Variants in FGF1 observed in about 807,000 individuals in gnomAD.
The protein encoded by FGF1 is beta-endothelial cell growth factor.
A neutral mutation model predicts 13.4 loss-of-function variants in FGF1; 9 were observed. That is an observed-to-expected ratio of 0.67 (90% CI 0.40 to 1.17). FGF1 has a LOEUF of 1.17. Ranked by LOEUF, FGF1 falls within the 50% of genes most tolerant of loss-of-function variation. The pLI, the probability that FGF1 is intolerant of heterozygous loss-of-function variation, is 0.01. For synonymous variants in FGF1, 93 were observed against 79.0 expected (o/e 1.18, Z -0.94); for missense variants, 156 against 192.7 (o/e 0.81, Z 1.13).
intron 2 of FGF1, among the ~76,000 whole-genome samples, chr5:142,604,077 G>A (rs1757137617): frequency 6.6e-6 from 1 of 152,196 alleles, no homozygotes; most frequent in South Asian, 2.1e-4. Flanking sequence ...CATAAAGACA[G>A]CAAGTAGATT....
intron 2 of FGF1, among the ~76,000 whole-genome samples, chr5:142,613,643 G>T (rs1759559088): frequency 6.6e-6 from 1 of 152,174 alleles, no homozygotes; most frequent in African/African-American, 2.4e-5. Context: ...TAGCCTTCGG[G>T]GCCAGATCTT....
chr5:142,607,082 C>T (rs1757841350), intron 2 of FGF1, among the ~76,000 whole-genome samples: 1 of 152,166 alleles, frequency 6.6e-6, no homozygotes, highest in East Asian at 1.9e-4. Flanking sequence ...CTGGCCAAGA[C>T]TCCCACTTTT....
chr5:142,682,204 G>C (rs892497658), intron 1 of FGF1, among the ~76,000 whole-genome samples: 1 of 151,820 alleles, frequency 6.6e-6, no homozygotes, highest in Non-Finnish European at 1.5e-5. Context: ...TCCTGCCTCA[G>C]CCTCCCAAGT....
At chr5:142,633,071 C>T (rs1279158905) in intron 1 of FGF1, among the ~76,000 whole-genome samples, 1 of 152,134 alleles carries the variant, frequency 6.6e-6, no homozygotes, top group Admixed American at 6.5e-5. Context: ...AGGCGCCCGC[C>T]ACCACACCCG....
chr5:142,670,682 C>T (rs1366021867), intron 1 of FGF1, among the ~76,000 whole-genome samples: 10 of 152,198 alleles, frequency 6.6e-5, no homozygotes, highest in African/African-American at 2.2e-4. Flanking sequence ...CCCACAAAAA[C>T]CTGACAGCAG....
intron 2 of FGF1, among the ~76,000 whole-genome samples, chr5:142,608,421 G>A (rs998015237): frequency 2.6e-5 from 4 of 151,496 alleles, no homozygotes; most frequent in South Asian, 4.2e-4. Context: ...GCCACAAGCC[G>A]GGATTGGTAA....
intron 3 of FGF1, among the ~76,000 whole-genome samples, chr5:142,600,302 C>T (rs1756224970): frequency 6.6e-6 from 1 of 152,130 alleles, no homozygotes; most frequent in South Asian, 2.1e-4. Context: ...TTCGAGGCTT[C>T]AGTGAGTCAT....
chr5:142,653,300 C>T (rs1207500312), intron 1 of FGF1, among the ~76,000 whole-genome samples: 54 of 152,268 alleles, frequency 3.5e-4, no homozygotes, highest in Non-Finnish European at 4.9e-4. Context: ...CCGGTAGTTG[C>T]GGCACCCTCC....
chr5:142,610,509 T>C (rs10046003), intron 2 of FGF1, among the ~76,000 whole-genome samples: 12,321 of 152,148 alleles, frequency 0.081, 847 homozygotes, highest in East Asian at 0.18. Flanking sequence ...GGACCTGATC[T>C]TCTTCCAGGA....
intron 1 of FGF1, among the ~76,000 whole-genome samples, chr5:142,674,585 A>G (rs989849669): frequency 3.9e-5 from 6 of 152,174 alleles, no homozygotes; most frequent in Non-Finnish European, 7.3e-5. Context: ...GAGCCAGCCA[A>G]CGCAGGTCCA....
chr5:142,659,523 T>C lies in FGF1; in HGVS notation c.-35+26434A>G, dbSNP rs544977086. 1.5e-3 allele frequency among the ~76,000 whole-genome samples: 225 copies of C among 152,242 alleles called. 2 individuals carry two copies. The highest frequency in any genetic ancestry group is 5.3e-3 in the African/African-American group (219 of 41,546). ...GGTGTGAGCCACTGCGCCCAGCCCT[T>C]GCATCAGTTTTAAGGGGGAACTTTG... is the stretch of plus-strand genomic sequence containing the variant. On this transcript the variant is annotated intron_variant, in intron 1 of 3. Transcript: ENST00000337706.
chr5:142,677,468 G>A (rs558606563), intron 1 of FGF1, among the ~76,000 whole-genome samples: 35 of 152,302 alleles, frequency 2.3e-4, no homozygotes, highest in African/African-American at 8.2e-4. Context: ...CCAGGCTTCC[G>A]AAGTGAGTTC....
intron 2 of FGF1, among the ~76,000 whole-genome samples, chr5:142,604,211 G>A (rs1358039944): frequency 6.6e-6 from 1 of 152,192 alleles, no homozygotes; most frequent in Admixed American, 6.5e-5. Context: ...TAAGTTGTAA[G>A]AAAATCCATT....
At chr5:142,634,893 C>T (rs1320609482) in intron 1 of FGF1, among the ~76,000 whole-genome samples, 2 of 150,592 alleles carry the variant, frequency 1.3e-5, no homozygotes, top group African/African-American at 4.9e-5. Flanking sequence ...TTTTCCACGA[C>T]TCCTTGTAAC....
At chr5:142,649,830 C>T (rs1156788571) in intron 1 of FGF1, among the ~76,000 whole-genome samples, 1 of 152,172 alleles carries the variant, frequency 6.6e-6, no homozygotes, top group Non-Finnish European at 1.5e-5. Flanking sequence ...TTACCGTATA[C>T]ACTTTTAACA....
chr5:142,691,657 C>A (rs957987977), intron 2 of FGF1, among the ~76,000 whole-genome samples: 14 of 151,966 alleles, frequency 9.2e-5, no homozygotes, highest in Non-Finnish European at 1.5e-5. Flanking sequence ...ACACAGATTG[C>A]TGGGCTCCAA....
intron 1 of FGF1, among the ~76,000 whole-genome samples, chr5:142,649,858 A>G (rs1197929144): frequency 6.6e-6 from 1 of 152,244 alleles, no homozygotes; most frequent in Non-Finnish European, 1.5e-5. Context: ...TAAGTAAGAA[A>G]AAAACAATTT....
intron 1 of FGF1, among the ~76,000 whole-genome samples, chr5:142,644,741 A>G (rs1249947362): frequency 6.6e-6 from 1 of 152,226 alleles, no homozygotes; most frequent in African/African-American, 2.4e-5. Context: ...CCAGACTGTT[A>G]GCTCCCTGAG....
intron 1 of FGF1, among the ~76,000 whole-genome samples, chr5:142,637,192 A>G (rs1764405985): frequency 6.6e-6 from 1 of 152,012 alleles, no homozygotes; most frequent in South Asian, 2.1e-4. Flanking sequence ...CAGATGAACT[A>G]AACTCGAATT....
Sources: allele counts gnomAD v4.1 joint callset (sites outside exome capture counted in the v4.1 genomes callset), GRCh38; gene constraint gnomAD v4.1.1; transcripts MANE v1.5; gene names NCBI Gene and HGNC (gene_info 2026-07-23, HGNC 2026-07-21).